The following DENND1B variants were observed in gnomAD, a reference collection of about 807,000 sequenced individuals.
The protein encoded by DENND1B is DENN domain containing 1B.
Under a neutral mutation model 90.1 loss-of-function variants are expected in DENND1B, and 59 were observed. The ratio of observed to expected loss-of-function variants is 0.65; its 90% CI spans 0.53 to 0.81. The LOEUF (loss-of-function observed/expected upper bound fraction) is 0.81. DENND1B is among the 40% of genes least tolerant of loss of function. The pLI is 0.00. For missense variants in DENND1B, 862 were observed against 912.6 expected (o/e 0.94, Z 0.71); for synonymous variants, 337 against 324.6 (o/e 1.04, Z -0.41).
intron 2 of DENND1B, among the ~76,000 whole-genome samples, chr1:197,715,925 T>G (rs1660602556): frequency 6.6e-6 from 1 of 151,572 alleles, no homozygotes; most frequent in South Asian, 2.1e-4. Context: ...TATAATGGAT[T>G]ATTTCTTCTG....
intron 15 of DENND1B, among the ~76,000 whole-genome samples, chr1:197,556,743 G>T (rs1050496222): frequency 6.6e-6 from 1 of 151,848 alleles, no homozygotes; most frequent in Admixed American, 6.6e-5. Flanking sequence ...TACCTTATGC[G>T]GTATTGCAAA....
intron 3 of DENND1B, chr1:197,685,698 T>C (rs1000746345): frequency 6.6e-6 from 1 of 152,078 alleles, no homozygotes; most frequent in African/African-American, 2.4e-5. Context: ...TGTTAACTGA[T>C]AGTGATCAAT....
intron 2 of DENND1B, 47 bp from the exon 3 acceptor site, chr1:197,715,121 T>C (rs1291287230): frequency 1.9e-5 from 29 of 1,521,342 alleles, no homozygotes; most frequent in Non-Finnish European, 2.5e-5. Flanking sequence ...AAAGAACACA[T>C]TTAAAGGAAC....
At chr1:197,772,966 A>T (rs1656808776) in intron 1 of DENND1B, 34 bp from the exon 2 acceptor site, 1 of 1,472,600 alleles carries the variant, frequency 6.8e-7, no homozygotes. Context: ...ATTTCCTATG[A>T]CAAATAAACA....
chr1:197,642,935 G>A (rs1018252660), intron 9 of DENND1B, 114 bp from the exon 10 acceptor site: 2 of 640,652 alleles, frequency 3.1e-6, no homozygotes, highest in African/African-American at 1.8e-5. Flanking sequence ...TATTTAAAAT[G>A]GTATTTATTA....
chr1:197,594,576 T>C (rs1369926650), intron 14 of DENND1B, among the ~76,000 whole-genome samples: 1 of 152,148 alleles, frequency 6.6e-6, no homozygotes, highest in Non-Finnish European at 1.5e-5. Context: ...CCTAACATGC[T>C]CTAACCAACA....
intron 2 of DENND1B, chr1:197,734,422 T>C (rs1662442895): frequency 3.0e-6 from 3 of 985,062 alleles, no homozygotes; most frequent in African/African-American, 3.5e-5. Flanking sequence ...TGAAATATTT[T>C]GTAATTTAAA....
At chr1:197,563,210 G>A (rs934487981) in intron 15 of DENND1B, among the ~76,000 whole-genome samples, 5 of 151,960 alleles carry the variant, frequency 3.3e-5, no homozygotes, top group African/African-American at 1.2e-4. Context: ...TTCCCAATGA[G>A]GATGAAACAA....
chr1:197,738,805 T>C (rs753926189), intron 2 of DENND1B, among the ~76,000 whole-genome samples: 4 of 152,278 alleles, frequency 2.6e-5, no homozygotes, highest in Admixed American at 6.5e-5. Flanking sequence ...CATTAGTAAA[T>C]GCAGGACAGT....
At chr1:197,778,835 C>A (rs756101295), upstream of DENND1B, among the ~76,000 whole-genome samples, 2 of 152,122 alleles carry the variant, frequency 1.3e-5, no homozygotes, top group Non-Finnish European at 2.9e-5. Flanking sequence ...TCTGCCCCCA[C>A]CTCTTCTAGT....
chr1:197,714,864 C>T (rs1161072464), intron 3 of DENND1B, among the ~76,000 whole-genome samples, 167 bp downstream of exon 3: 3 of 152,080 alleles, frequency 2.0e-5, no homozygotes, highest in Non-Finnish European at 4.4e-5. Flanking sequence ...TTAAAAGATT[C>T]TTCCATATAT....
chr1:197,515,028 C>A (rs1668298982), intron 20 of DENND1B, among the ~76,000 whole-genome samples: 1 of 151,558 alleles, frequency 6.6e-6, no homozygotes, highest in South Asian at 2.1e-4. Flanking sequence ...AACCATGACA[C>A]CAGAGAGGAA....
At chr1:197,567,011 T>C (rs1367218144) in intron 15 of DENND1B, among the ~76,000 whole-genome samples, 12 of 151,732 alleles carry the variant, frequency 7.9e-5, no homozygotes. Context: ...TGACAGTAAA[T>C]AAAGATTAGA....
chr1:197,510,670 T>C lies in DENND1B; in HGVS notation c.2118A>G (p.Thr706=). ...TDKGKTEKRE[T]LSQISDDLLI... ...GCAGATCATCTGAAATCTGGCTTAGTGTTTCCCTCTTTTCTGTTTTTCCTT... is the reference window on the plus strand; with the variant it reads ...GCAGATCATCTGAAATCTGGCTTAGCGTTTCCCTCTTTTCTGTTTTTCCTT... The change falls in exon 23 of 23, where the codon ACA becomes ACG. Residue 706 remains threonine (T), a synonymous_variant. Coordinates refer to ENST00000620048, the MANE Select transcript of DENND1B (RefSeq NM_001195215.2). 6.2e-7 allele frequency: 1 copy of C among 1,612,844 alleles called. No homozygotes were observed. The highest frequency in any genetic ancestry group is 8.5e-7 in the Non-Finnish European group (1 of 1,179,232).
At chr1:197,781,521 C>T in the DENND1B span, among the ~76,000 whole-genome samples, 1 of 152,270 alleles carries the variant, frequency 6.6e-6, no homozygotes, top group East Asian at 1.9e-4. Flanking sequence ...GGAAAACATC[C>T]TCCTGGCATG....
chr1:197,653,734 T>C (rs1653498443), intron 6 of DENND1B, among the ~76,000 whole-genome samples: 1 of 151,850 alleles, frequency 6.6e-6, no homozygotes, highest in South Asian at 2.1e-4. Flanking sequence ...ACTGATGGTT[T>C]CAGGAAAAAA....
intron 5 of DENND1B, among the ~76,000 whole-genome samples, chr1:197,664,855 G>C (rs993317114): frequency 7.2e-5 from 11 of 152,008 alleles, no homozygotes; most frequent in African/African-American, 2.4e-4. Context: ...GAGTTAAAGG[G>C]GGGAGGGGGA....
chr1:197,520,431 T>C (rs1257907007), intron 20 of DENND1B, among the ~76,000 whole-genome samples: 2 of 151,982 alleles, frequency 1.3e-5, no homozygotes, highest in Admixed American at 6.6e-5. Context: ...TAAATGACCA[T>C]TAATACTGAT....
At chr1:197,516,903 T>C (rs1668437850) in intron 20 of DENND1B, among the ~76,000 whole-genome samples, 1 of 151,786 alleles carries the variant, frequency 6.6e-6, no homozygotes, top group South Asian at 2.1e-4. Context: ...CACAATTGGG[T>C]ATAGTGACTT....
Sources: gnomAD v4.1 joint callset for allele counts (sites outside exome capture counted in the v4.1 genomes callset) on GRCh38, gnomAD v4.1.1 for gene constraint, MANE v1.5 for transcripts, NCBI Gene and HGNC (gene_info 2026-07-23, HGNC 2026-07-21) for gene names.